Variants in TF observed in about 807,000 individuals in gnomAD.
TF encodes serotransferrin.
In TF, 55 loss-of-function variants were observed where a neutral mutation model predicts 82.4. That is an observed-to-expected ratio of 0.67 (90% CI 0.54 to 0.84). The LOEUF is 0.84. Among genes scored for constraint, TF ranks in the 40% least tolerant of loss-of-function variants. TF has a pLI of 0.00. For missense variants in TF, 737 were observed against 868.4 expected (o/e 0.85, Z 1.90); for synonymous variants, 332 against 332.6 (o/e 1.00, Z 0.02).
the TF span, chr3:133,710,191 T>C: frequency 6.6e-6 from 1 of 152,508 alleles, no homozygotes; most frequent in Admixed American, 6.5e-5. Context: ...TCATCTCTCT[T>C]AGATGCATTC....
the TF span, among the ~76,000 whole-genome samples, chr3:133,708,507 G>T: frequency 6.6e-6 from 1 of 151,988 alleles, no homozygotes; most frequent in Non-Finnish European, 1.5e-5. Context: ...AACATGAGGG[G>T]TTCAAGATAT....
chr3:133,767,892 C>T lies in TF; in HGVS notation c.1487-137C>T, dbSNP rs1934164404. On this transcript the variant is annotated intron_variant, in intron 12 of 16. Transcript: ENST00000402696. ...TTTAAAGCCTATAGCCTGGCAAGTC[C>T]TGGGTTGGTGGTGGCTGGTCACAGA... 5.5e-6 allele frequency: 6 copies of T among 1,089,212 alleles called. No individual in the cohort carries two copies. The South Asian group carries it at 7.7e-5, about 14-fold the overall frequency. The allele number at this position is 1,089,212 out of a possible 1,614,324, so 67.5% of individuals were successfully genotyped here. A position where few individuals can be genotyped will look rare whatever the true frequency, so the allele number is the denominator to read the frequency against.
the TF span, among the ~76,000 whole-genome samples, chr3:133,679,945 G>A: frequency 6.6e-6 from 1 of 152,106 alleles, no homozygotes; most frequent in East Asian, 1.9e-4. Context: ...TCCTGCCAGT[G>A]CTTGGTGGTG....
intron 4 of TF, 82 bp downstream of exon 4, chr3:133,754,753 T>A: frequency 6.8e-7 from 1 of 1,459,922 alleles, no homozygotes; most frequent in Non-Finnish European, 9.6e-7. Flanking sequence ...ACAGTCACCA[T>A]CAGCAGACAT....
the TF span, among the ~76,000 whole-genome samples, chr3:133,728,592 G>A: frequency 3.3e-5 from 5 of 152,118 alleles, no homozygotes. Flanking sequence ...CTTTGCCTTT[G>A]GTTTGAATTT....
Position 133,788,771 on chromosome 3 carries a change from T to G in TF, c.*10151T>G, listed in dbSNP as rs1934755904. ...ATCTTTTCTGGTTGTGGTCCCTGAT[T>G]CCTATGTGTGGCGCAGCTCAGGGCA... On this transcript the variant is annotated 3_prime_UTR_variant, in exon 17 of 17. Transcript: ENST00000402696. The G allele has an allele frequency of 1.3e-5, 2 of 152,214 alleles. No homozygotes were observed. The allele number at this position is 152,214 out of a possible 1,614,324, so 9.4% of individuals were successfully genotyped here.
upstream of TF, among the ~76,000 whole-genome samples, chr3:133,744,806 A>G (rs1576352380): frequency 6.6e-6 from 1 of 152,334 alleles, no homozygotes; most frequent in African/African-American, 2.4e-5. Flanking sequence ...GGAGAACATA[A>G]TCTAACTTCC....
the TF span, among the ~76,000 whole-genome samples, chr3:133,722,359 C>T: frequency 1.3e-5 from 2 of 151,992 alleles, no homozygotes; most frequent in South Asian, 4.1e-4. Context: ...GTCTTATTTA[C>T]TTAGCCACCC....
the TF span, among the ~76,000 whole-genome samples, chr3:133,714,085 G>GGCCT: frequency 1.3e-5 from 2 of 152,156 alleles, no homozygotes; most frequent in Non-Finnish European, 2.9e-5. Context: ...GTGGGAATCA[G>GGCCT]GCCTGAGAAA....
chr3:133,667,628 G>A, the TF span, among the ~76,000 whole-genome samples: 1 of 152,126 alleles, frequency 6.6e-6, no homozygotes, highest in East Asian at 1.9e-4. Flanking sequence ...ACTAGGGAGG[G>A]GACTACTTCT....
the TF span, chr3:133,699,697 C>G: frequency 2.3e-6 from 1 of 430,480 alleles, no homozygotes; most frequent in Admixed American, 2.5e-5. Context: ...AACTTCCTTG[C>G]CTTCTTGTCA....
upstream of TF, chr3:133,746,048 A>C (rs1019257557): frequency 2.6e-6 from 1 of 378,852 alleles, no homozygotes; most frequent in African/African-American, 2.1e-5. Flanking sequence ...TGGACTGCGC[A>C]GATAGGACTG....
chr3:133,712,354 G>T, the TF span, among the ~76,000 whole-genome samples: 8 of 152,134 alleles, frequency 5.3e-5, no homozygotes, highest in African/African-American at 1.9e-4. Context: ...GGTTCTGCGA[G>T]CCAGGACTTC....
the TF span, chr3:133,701,864 T>C: frequency 6.5e-6 from 1 of 152,688 alleles, no homozygotes; most frequent in Non-Finnish European, 1.5e-5. Flanking sequence ...GAAGGCCTTG[T>C]TGGACAGCCA....
chr3:133,768,653 A>G (rs1934187320), intron 13 of TF, among the ~76,000 whole-genome samples: 1 of 152,060 alleles, frequency 6.6e-6, no homozygotes, highest in African/African-American at 2.4e-5. Context: ...TTTTCCATGC[A>G]CCTCTGGATA....
At chr3:133,681,291 G>T in the TF span, among the ~76,000 whole-genome samples, 5 of 152,228 alleles carry the variant, frequency 3.3e-5, no homozygotes, top group Non-Finnish European at 7.3e-5. Flanking sequence ...GAAGACAGGT[G>T]ATTTCTGCAT....
rs193101084 is a variant in TF at position 133,752,195 on chromosome 3, C to T, written c.217-1400C>T. Among the ~76,000 whole-genome samples the T allele has an allele frequency of 3.1e-3, 472 of 151,020 alleles. 1 individual carries two copies. The highest frequency in any genetic ancestry group is 0.011 in the African/African-American group (454 of 41,140). ...GCAACCTCTGCATCCCAGGTTCAAG[C>T]GATTCTCCTGCCTCAGCTTCCCAAG... is the stretch of plus-strand genomic sequence containing the variant. On this transcript the variant is annotated intron_variant, in intron 2 of 16. Coordinates refer to ENST00000402696, the MANE Select transcript of TF (RefSeq NM_001063.4).
chr3:133,746,632 C>T (rs979437540), intron 1 of TF, 149 bp downstream of exon 1: 2 of 858,324 alleles, frequency 2.3e-6, no homozygotes, highest in East Asian at 2.7e-5. Flanking sequence ...CTACGCCCCA[C>T]CCCTGGCCTT....
chr3:133,723,182 C>G, the TF span, among the ~76,000 whole-genome samples: 1 of 152,138 alleles, frequency 6.6e-6, no homozygotes, highest in African/African-American at 2.4e-5. Context: ...TGACTTGTCA[C>G]TCTTCTCTTG....
Sources: allele counts gnomAD v4.1 joint callset (sites outside exome capture counted in the v4.1 genomes callset), GRCh38; gene constraint gnomAD v4.1.1; transcripts MANE v1.5; gene names NCBI Gene and HGNC (gene_info 2026-07-23, HGNC 2026-07-21).